The following NTNG1 variants were observed in gnomAD, a reference collection of about 807,000 sequenced individuals.
NTNG1 encodes the protein netrin-G1.
A neutral mutation model predicts 54.0 loss-of-function variants in NTNG1; 16 were observed. That is an observed-to-expected ratio of 0.30 (90% CI 0.20 to 0.45). The LOEUF is 0.45. NTNG1 is among the 20% of genes least tolerant of loss of function. NTNG1 has a pLI of 1.00. For missense variants in NTNG1, 530 were observed against 678.7 expected, an observed-to-expected ratio of 0.78 and a Z score of 2.43; for synonymous variants, 255 against 263.1, an observed-to-expected ratio of 0.97 and a Z score of 0.30.
intron 7 of NTNG1, among the ~76,000 whole-genome samples, chr1:107,467,324 T>G (rs1677670626): frequency 6.6e-6 from 1 of 152,154 alleles, no homozygotes; most frequent in Non-Finnish European, 1.5e-5. Context: ...GACACAGGAG[T>G]ATGCACTATG....
chr1:107,315,823 T>C (rs1350711849), intron 2 of NTNG1, among the ~76,000 whole-genome samples: 1 of 152,190 alleles, frequency 6.6e-6, no homozygotes, highest in Non-Finnish European at 1.5e-5. Flanking sequence ...GCTGTTTAAT[T>C]TACCACACTA....
intron 3 of NTNG1, among the ~76,000 whole-genome samples, chr1:107,389,788 T>C (rs1358893883): frequency 1.3e-5 from 2 of 152,190 alleles, no homozygotes; most frequent in Non-Finnish European, 2.9e-5. Context: ...TAGACTTGGC[T>C]CTCGAGAACA....
intron 2 of NTNG1, among the ~76,000 whole-genome samples, chr1:107,243,152 T>G (rs1323206724): frequency 6.6e-6 from 1 of 152,250 alleles, no homozygotes; most frequent in East Asian, 1.9e-4. Flanking sequence ...CCATGTGGCA[T>G]GTTTCTCCTT....
chr1:107,156,614 A>G (rs1655015948), intron 2 of NTNG1, among the ~76,000 whole-genome samples: 1 of 151,830 alleles, frequency 6.6e-6, no homozygotes, highest in Non-Finnish European at 1.5e-5. Flanking sequence ...ATTTGTTTAA[A>G]GAATGATATG....
chr1:107,429,366 A>T (rs1054070875), intron 5 of NTNG1, among the ~76,000 whole-genome samples: 1 of 152,154 alleles, frequency 6.6e-6, no homozygotes, highest in Admixed American at 6.6e-5. Context: ...TTAAAAGTTT[A>T]AAAGTTAGCC....
chr1:107,277,539 T>A (rs1174345105), intron 2 of NTNG1, among the ~76,000 whole-genome samples: 1 of 152,188 alleles, frequency 6.6e-6, no homozygotes, highest in South Asian at 2.1e-4. Flanking sequence ...TCTGACATGA[T>A]AGAGAAAAAT....
chr1:107,392,555 C>T (rs1203673704), intron 3 of NTNG1, among the ~76,000 whole-genome samples: 1 of 151,880 alleles, frequency 6.6e-6, no homozygotes, highest in African/African-American at 2.4e-5. Context: ...GAGTCCCAGC[C>T]CCTGAGGAAA....
intron 2 of NTNG1, among the ~76,000 whole-genome samples, chr1:107,277,705 G>C: frequency 6.6e-6 from 1 of 152,150 alleles, no homozygotes; most frequent in East Asian, 1.9e-4. Context: ...GTTTAAATTC[G>C]AATGGCTTCC....
At chr1:107,413,761 T>C (rs950641453) in intron 5 of NTNG1, among the ~76,000 whole-genome samples, 3 of 152,178 alleles carry the variant, frequency 2.0e-5, no homozygotes, top group African/African-American at 4.8e-5. Context: ...CAGCCAAGTC[T>C]TAAATGAATT....
rs572269574 is a variant in NTNG1 at position 107,223,588 on chromosome 1, G to A, written c.246+74749G>A. Among the ~76,000 whole-genome samples, 3 of 152,218 alleles carry A rather than the reference G, an allele frequency of 2.0e-5. No individual in the cohort carries two copies. In the South Asian group the frequency reaches 6.2e-4, roughly 32 times the overall value. On this transcript the variant is annotated intron_variant, in intron 2 of 7. Transcript: ENST00000370068. ...TGACACTATGTTTTGTTATAGCTAA[G>A]TAGTTATATTATGGGCAGTTTTTAT...
rs543699824 is a variant in NTNG1, at chr1:107,271,742, GA to G, written c.247-52531del. Among the ~76,000 whole-genome samples, 297 of 151,054 alleles carry G rather than the reference GA, an allele frequency of 2.0e-3. 1 individual carries two copies. The highest frequency in any genetic ancestry group is 6.7e-3 in the African/African-American group (278 of 41,298). On this transcript the variant is annotated intron_variant, in intron 2 of 7. Coordinates refer to ENST00000370068, the MANE Select transcript of NTNG1 (RefSeq NM_001113226.3). ...AATGGATGTTTCCCCATCTTTAGGT[GA>G]AAAAAAAATTCTACTAATCAGAGAC...
intron 2 of NTNG1, chr1:107,260,937 C>G (rs151230388): frequency 1.3e-5 from 2 of 152,306 alleles, no homozygotes; most frequent in African/African-American, 4.8e-5. Context: ...TGGGACTACT[C>G]ACCAAGGTTA....
intron 2 of NTNG1, among the ~76,000 whole-genome samples, chr1:107,204,910 G>T (rs1223576431): frequency 6.6e-6 from 1 of 152,116 alleles, no homozygotes; most frequent in African/African-American, 2.4e-5. Flanking sequence ...GAGAGCAGGT[G>T]ATACGGGAGT....
At chr1:107,256,616 G>T (rs1057336787) in intron 2 of NTNG1, among the ~76,000 whole-genome samples, 1 of 152,156 alleles carries the variant, frequency 6.6e-6, no homozygotes, top group Non-Finnish European at 1.5e-5. Flanking sequence ...AAGAGCTAAG[G>T]GGAGGATGTT....
intron 2 of NTNG1, among the ~76,000 whole-genome samples, chr1:107,230,906 C>T (rs996775644): frequency 9.2e-5 from 14 of 152,116 alleles, no homozygotes; most frequent in African/African-American, 3.1e-4. Context: ...CTTTGTACCA[C>T]GTGAAGTACT....
intron 3 of NTNG1, among the ~76,000 whole-genome samples, chr1:107,339,387 C>A (rs1668773694): frequency 6.6e-6 from 1 of 152,024 alleles, no homozygotes; most frequent in Non-Finnish European, 1.5e-5. Context: ...TTCTTAACCT[C>A]TGCACTAAAT....
At chr1:107,270,789 A>G (rs1664094030) in intron 2 of NTNG1, among the ~76,000 whole-genome samples, 1 of 136,396 alleles carries the variant, frequency 7.3e-6, no homozygotes, top group African/African-American at 2.7e-5. Flanking sequence ...ATTTCTTTGA[A>G]CTTAAAAATT....
At chr1:107,307,839 T>G (rs1265947490) in intron 2 of NTNG1, among the ~76,000 whole-genome samples, 3 of 152,156 alleles carry the variant, frequency 2.0e-5, no homozygotes, top group Non-Finnish European at 4.4e-5. Context: ...GTTTTCCACT[T>G]GGCATTTGTC....
intron 5 of NTNG1, chr1:107,421,131 A>G: frequency 1.2e-6 from 2 of 1,608,118 alleles, no homozygotes; most frequent in Non-Finnish European, 1.7e-6. Context: ...TCAAGTTGCA[A>G]ACCACAAGAG....
Sources: allele counts gnomAD v4.1 joint callset (sites outside exome capture counted in the v4.1 genomes callset), GRCh38; gene constraint gnomAD v4.1.1; transcripts MANE v1.5; gene names NCBI Gene and HGNC (gene_info 2026-07-23, HGNC 2026-07-21).